The following LURAP1L variants were observed in gnomAD, a reference collection of about 807,000 sequenced individuals.
The protein encoded by LURAP1L is leucine rich adaptor protein 1 like.
Under a neutral mutation model 13.8 loss-of-function variants are expected in LURAP1L, and 12 were observed. The observed-to-expected ratio is 0.87, with a 90% confidence interval of 0.56 to 1.41. The LOEUF is 1.41. Ranked by LOEUF, LURAP1L falls within the 40% of genes most tolerant of loss-of-function variation. The pLI is 0.00. For missense variants in LURAP1L, 375 were observed against 292.9 expected, an observed-to-expected ratio of 1.28 and a Z score of -2.04; for synonymous variants, 139 against 119.2, an observed-to-expected ratio of 1.17 and a Z score of -1.08.
At chr9:12,788,302 C>T (rs905162598) in intron 1 of LURAP1L, among the ~76,000 whole-genome samples, 1 of 152,004 alleles carries the variant, frequency 6.6e-6, no homozygotes, top group African/African-American at 2.4e-5. Flanking sequence ...ATGATGATGC[C>T]TTGCCTTGGC....
intron 1 of LURAP1L, among the ~76,000 whole-genome samples, chr9:12,790,262 T>C (rs1032276168): frequency 3.2e-4 from 49 of 152,194 alleles, no homozygotes; most frequent in Non-Finnish European, 1.8e-4. Flanking sequence ...TATTGCTCAC[T>C]ATCTTTTTCT....
At chr9:12,797,498 G>A (rs1819525454) in intron 1 of LURAP1L, among the ~76,000 whole-genome samples, 1 of 152,064 alleles carries the variant, frequency 6.6e-6, no homozygotes, top group Non-Finnish European at 1.5e-5. Context: ...TTGGGTATAG[G>A]ATAGGTATTA....
chr9:12,813,910 G>C (rs900903385), intron 1 of LURAP1L, among the ~76,000 whole-genome samples: 32 of 152,146 alleles, frequency 2.1e-4, no homozygotes, highest in African/African-American at 7.7e-4. Flanking sequence ...TGTTTGAACT[G>C]CGTCCATAGT....
At chr9:12,777,253 G>C (rs751128442) in intron 1 of LURAP1L, 4 of 985,370 alleles carry the variant, frequency 4.1e-6, no homozygotes, top group Non-Finnish European at 4.8e-6. Flanking sequence ...AAGCTGGAAA[G>C]TGGAAGTCAT....
intron 1 of LURAP1L, chr9:12,777,490 A>T (rs1563884409): frequency 1.0e-6 from 1 of 985,032 alleles, no homozygotes; most frequent in South Asian, 4.7e-5. Context: ...AGATGAGGAA[A>T]TTTTATTCCT....
chr9:12,807,033 A>ACTAACT (rs1563896052), intron 1 of LURAP1L, among the ~76,000 whole-genome samples: 2 of 143,468 alleles, frequency 1.4e-5, no homozygotes, highest in Admixed American at 7.3e-5. Flanking sequence ...AAAAAAAAAA[A>ACTAACT]AAAAAAAAAA....
intron 1 of LURAP1L, among the ~76,000 whole-genome samples, chr9:12,781,739 G>A (rs1336407989): frequency 6.6e-6 from 1 of 152,138 alleles, no homozygotes; most frequent in Non-Finnish European, 1.5e-5. Context: ...ATATCTATTT[G>A]ATATATTGAT....
intron 1 of LURAP1L, among the ~76,000 whole-genome samples, chr9:12,790,233 C>T (rs1586878110): frequency 6.6e-6 from 1 of 152,268 alleles, no homozygotes; most frequent in Admixed American, 6.5e-5. Context: ...TAGGCTCCCT[C>T]TCTTATCTTG....
At chr9:12,802,058 G>T (rs145980461) in intron 1 of LURAP1L, among the ~76,000 whole-genome samples, 6 of 152,198 alleles carry the variant, frequency 3.9e-5, no homozygotes, top group African/African-American at 1.4e-4. Flanking sequence ...CATTCCAGAA[G>T]GAGATATACA....
At chr9:12,817,547 T>C (rs530737731) in intron 1 of LURAP1L, among the ~76,000 whole-genome samples, 1 of 152,330 alleles carries the variant, frequency 6.6e-6, no homozygotes, top group South Asian at 2.1e-4. Context: ...GGGTATTGCA[T>C]ATTATGATTG....
rs568609251 is a variant in LURAP1L at position 12,810,899 on chromosome 9, A to C, written c.313-10487A>C. Among the ~76,000 whole-genome samples, 4 of 152,202 alleles carry C rather than the reference A, an allele frequency of 2.6e-5. No individual in the cohort carries two copies. The South Asian group carries it at 8.3e-4, about 32-fold the overall frequency. ...ACCACATGAAAAACAAAACAAAACA[A>C]AACTGATCTTAAGCATCATAAAGTA... On this transcript the variant is annotated intron_variant, in intron 1 of 1. Transcript: ENST00000319264.
chr9:12,819,925 G>A (rs1379902882), intron 1 of LURAP1L, among the ~76,000 whole-genome samples: 2 of 152,028 alleles, frequency 1.3e-5, no homozygotes, highest in East Asian at 3.9e-4. Context: ...CTGCACTCCC[G>A]CCTGGGCAAT....
intron 1 of LURAP1L, among the ~76,000 whole-genome samples, chr9:12,788,381 G>C (rs1438160165): frequency 2.0e-5 from 3 of 151,840 alleles, no homozygotes; most frequent in Non-Finnish European, 4.4e-5. Flanking sequence ...CACCTTTAAA[G>C]TTAAACTGAC....
Position 12,776,188 on chromosome 9 carries a change from C to T in LURAP1L, c.312+161C>T, listed in dbSNP as rs114639122. 3.0e-3 allele frequency among the ~76,000 whole-genome samples: 454 copies of T among 152,262 alleles called. 2 individuals are homozygous for T. The highest frequency in any genetic ancestry group is 0.01 in the African/African-American group (433 of 41,566). ...GAGGAATGAGCAGGGGGCGCTCATC[C>T]GGAGGCAGCTGCTGCGAGGCTTGTT... is the stretch of plus-strand genomic sequence containing the variant. On this transcript the variant is annotated intron_variant, in intron 1 of 1. Transcript: ENST00000319264.
At chr9:12,820,115 T>C (rs1304041388) in intron 1 of LURAP1L, among the ~76,000 whole-genome samples, 1 of 152,148 alleles carries the variant, frequency 6.6e-6, no homozygotes, top group East Asian at 1.9e-4. Context: ...CTCTTGATAT[T>C]AGCAAATGTT....
intron 1 of LURAP1L, among the ~76,000 whole-genome samples, chr9:12,819,340 C>A (rs1217541622): frequency 6.6e-6 from 1 of 152,080 alleles, no homozygotes; most frequent in Admixed American, 6.5e-5. Flanking sequence ...TCTTTTGAAA[C>A]CTGTACAATC....
chr9:12,776,178 G>A (rs1480208207), intron 1 of LURAP1L, 151 bp downstream of exon 1: 10 of 813,870 alleles, frequency 1.2e-5, no homozygotes, highest in Non-Finnish European at 1.2e-5. Flanking sequence ...ATGAGCAGGG[G>A]GCGCTCATCC....
intron 1 of LURAP1L, among the ~76,000 whole-genome samples, chr9:12,778,156 A>T (rs1819217800): frequency 6.6e-6 from 1 of 152,120 alleles, no homozygotes; most frequent in Non-Finnish European, 1.5e-5. Flanking sequence ...AAGCTTCGTA[A>T]GCTTTGAAGC....
At chr9:12,788,071 C>T (rs556792970) in intron 1 of LURAP1L, among the ~76,000 whole-genome samples, 45 of 149,908 alleles carry the variant, frequency 3.0e-4, no homozygotes, top group African/African-American at 1.0e-3. Flanking sequence ...AACGTGGCAC[C>T]AATGCTTTCC....
Sources: gnomAD v4.1 joint callset for allele counts (sites outside exome capture counted in the v4.1 genomes callset) on GRCh38, gnomAD v4.1.1 for gene constraint, MANE v1.5 for transcripts, NCBI Gene and HGNC (gene_info 2026-07-23, HGNC 2026-07-21) for gene names.